Variants in CDH11 observed in about 807,000 individuals in gnomAD.
The protein encoded by CDH11 is cadherin 11.
CDH11 carries 11 observed loss-of-function variants against 67.8 expected under a neutral mutation model. That is an observed-to-expected ratio of 0.16 (90% CI 0.10 to 0.27). The LOEUF is 0.27. Among genes scored for constraint, CDH11 ranks in the 10% least tolerant of loss-of-function variants. The pLI, the probability that CDH11 is intolerant of heterozygous loss-of-function variation, is 1.00. For missense variants in CDH11, 847 were observed against 1,031.2 expected, an observed-to-expected ratio of 0.82 and a Z score of 2.45; for synonymous variants, 419 against 400.0, an observed-to-expected ratio of 1.05 and a Z score of -0.57.
intron 1 of CDH11, among the ~76,000 whole-genome samples, chr16:65,100,458 G>T (rs543101323): frequency 6.6e-6 from 1 of 152,098 alleles, no homozygotes; most frequent in Non-Finnish European, 1.5e-5. Flanking sequence ...AGAAAAACTG[G>T]CTGGACATGG....
In CDH11 at chr16:64,992,964, C is replaced by A. The variant is rs1006543551; in HGVS notation, c.594G>T (p.Val198=). Residue 198 remains valine, a synonymous_variant, in exon 5 of 13, where the codon GTG becomes GTT. Transcript: ENST00000268603. ...AGGGTTGTCCTTCGAGGATACTGTA[C>A]ACTAACTTGGCGCTATTTCCATAAG... ...DPTYGNSAKL[V]YSILEGQPYF... is the part of the protein sequence containing the mutation. The A allele has an allele frequency of 3.7e-6, 6 of 1,611,966 alleles. No homozygotes were observed. Among genetic ancestry groups the A allele is most frequent in the Non-Finnish European group, 3.4e-6 (4 of 1,178,190 alleles).
At chr16:64,995,483 G>A (rs1262783647) in intron 4 of CDH11, among the ~76,000 whole-genome samples, 1 of 152,144 alleles carries the variant, frequency 6.6e-6, no homozygotes, top group Non-Finnish European at 1.5e-5. Context: ...ACAAAATTAA[G>A]CAATGAGGAA....
chr16:64,977,346 A>T (rs1054947136), intron 8 of CDH11, among the ~76,000 whole-genome samples: 4 of 152,252 alleles, frequency 2.6e-5, no homozygotes, highest in Non-Finnish European at 5.9e-5. Flanking sequence ...AATTGCCTAC[A>T]TGCACAGAAC....
chr16:65,069,396 CTCT>C (rs1236513651), intron 1 of CDH11, among the ~76,000 whole-genome samples: 3 of 133,252 alleles, frequency 2.3e-5, no homozygotes, highest in African/African-American at 1.0e-4. Flanking sequence ...ATTCTTTCCT[CTCT>C]TCTTTATTTC....
rs1281184986 is a variant in CDH11 at position 65,121,478 on chromosome 16, C to A, written c.-298+402G>T. Among the ~76,000 whole-genome samples, 1 of 152,140 alleles carries A rather than the reference C, an allele frequency of 6.6e-6. No homozygotes were observed. Among genetic ancestry groups the A allele is most frequent in the Admixed American group, 6.5e-5 (1 of 15,286 alleles). ...GAAGCGGCGCAGGGCTGGCGGGCAC[C>A]GCGCCGTGGGCGACTTTCCCCAGAG... On this transcript the variant is annotated intron_variant, in intron 1 of 12. Transcript: ENST00000268603. This position sits in a 1 kb window ranked among gnomAD's most constrained non-coding sequence, Gnocchi z 4.1.
chr16:65,014,303 GC>G (rs2073248968), intron 2 of CDH11, among the ~76,000 whole-genome samples: 1 of 142,142 alleles, frequency 7.0e-6, no homozygotes, highest in Non-Finnish European at 1.6e-5. Flanking sequence ...TTTTCTAGAA[GC>G]CATATATTTA....
intron 1 of CDH11, among the ~76,000 whole-genome samples, chr16:65,080,712 A>C (rs1044883503): frequency 1.3e-5 from 2 of 152,198 alleles, no homozygotes; most frequent in African/African-American, 4.8e-5. Context: ...GCTCTGTATT[A>C]AAATATTAAA....
intron 11 of CDH11, among the ~76,000 whole-genome samples, chr16:64,964,791 A>T (rs1311658922): frequency 6.6e-6 from 1 of 151,664 alleles, no homozygotes; most frequent in Non-Finnish European, 1.5e-5. Flanking sequence ...CTCGTGATCC[A>T]CCCGCCTCGG....
At chr16:65,091,554 C>CTT (rs571736697) in intron 1 of CDH11, among the ~76,000 whole-genome samples, 49 of 136,304 alleles carry the variant, frequency 3.6e-4, no homozygotes, top group African/African-American at 7.9e-4. Flanking sequence ...TAGGCCTTTC[C>CTT]TTTTTTTTTT....
At chr16:65,096,760 A>G (rs2074905164) in intron 1 of CDH11, among the ~76,000 whole-genome samples, 1 of 151,898 alleles carries the variant, frequency 6.6e-6, no homozygotes, top group Admixed American at 6.6e-5. Context: ...AACTTCGACT[A>G]ATACCTTATG....
intron 2 of CDH11, among the ~76,000 whole-genome samples, chr16:65,040,064 G>A (rs1567543211): frequency 1.3e-5 from 2 of 152,158 alleles, no homozygotes; most frequent in Non-Finnish European, 2.9e-5. Context: ...AACAGGTGCT[G>A]GAGAGGATGT....
intron 1 of CDH11, among the ~76,000 whole-genome samples, chr16:65,101,719 T>C (rs570920490): frequency 2.0e-4 from 31 of 152,182 alleles, no homozygotes; most frequent in Non-Finnish European, 3.8e-4. Context: ...TGCCGTGTAC[T>C]ATTGATCACA....
At chr16:65,117,504 A>G (rs944479781) in intron 1 of CDH11, among the ~76,000 whole-genome samples, 3 of 152,208 alleles carry the variant, frequency 2.0e-5, no homozygotes, top group Non-Finnish European at 4.4e-5. Context: ...AAAAAATCAA[A>G]TGATTATACT....
chr16:65,069,245 G>A (rs1449375269), intron 1 of CDH11, among the ~76,000 whole-genome samples: 1 of 152,154 alleles, frequency 6.6e-6, no homozygotes, highest in African/African-American at 2.4e-5. Flanking sequence ...GAAAATACTT[G>A]GGACTATTTC....
intron 1 of CDH11, among the ~76,000 whole-genome samples, chr16:65,086,775 CT>C (rs1345666917): frequency 6.6e-6 from 1 of 152,070 alleles, no homozygotes; most frequent in East Asian, 1.9e-4. Context: ...TGCAGACTAC[CT>C]TTTATAAAAC....
chr16:65,041,382 CATGTTCCATGATT>C (rs766089782), intron 2 of CDH11, among the ~76,000 whole-genome samples: 10,538 of 152,038 alleles, frequency 0.069, 828 homozygotes, highest in East Asian at 0.24. Flanking sequence ...GAAGAATAAT[CATGTTCCATGATT>C]ATTCTCTCCA....
At chr16:65,072,520 T>A (rs866889292) in intron 1 of CDH11, among the ~76,000 whole-genome samples, 22 of 152,080 alleles carry the variant, frequency 1.4e-4, no homozygotes, top group African/African-American at 4.6e-4. Flanking sequence ...ATTTTTTTTT[T>A]AAATTGGCAG....
chr16:65,003,132 A>C (rs906667780), intron 3 of CDH11, among the ~76,000 whole-genome samples: 3 of 148,980 alleles, frequency 2.0e-5, no homozygotes, highest in African/African-American at 7.4e-5. Flanking sequence ...ATAATAATTT[A>C]AACTTAAATA....
intron 1 of CDH11, among the ~76,000 whole-genome samples, chr16:65,104,385 A>G (rs939002048): frequency 1.3e-5 from 2 of 152,218 alleles, no homozygotes; most frequent in Non-Finnish European, 2.9e-5. Flanking sequence ...CCAGAGTAAG[A>G]TGCATAAACT....
Sources: allele counts gnomAD v4.1 joint callset (sites outside exome capture counted in the v4.1 genomes callset), GRCh38; gene constraint gnomAD v4.1.1; non-coding constraint Gnocchi (gnomAD v3.1); transcripts MANE v1.5; gene names NCBI Gene and HGNC (gene_info 2026-07-23, HGNC 2026-07-21).